Variants in AGBL4 observed in about 807,000 individuals in gnomAD.
AGBL4 encodes cytosolic carboxypeptidase 6.
Under a neutral mutation model 66.4 loss-of-function variants are expected in AGBL4, and 58 were observed. The ratio of observed to expected loss-of-function variants is 0.87; its 90% confidence interval spans 0.71 to 1.09. The LOEUF (loss-of-function observed/expected upper bound fraction) is 1.09. Among genes scored for constraint, AGBL4 ranks in the 50% least tolerant of loss-of-function variants. The pLI, the probability that AGBL4 is intolerant of heterozygous loss-of-function variation, is 0.00. For missense variants in AGBL4, 579 were observed against 631.0 expected (o/e 0.92, Z 0.88); for synonymous variants, 234 against 222.9 (o/e 1.05, Z -0.44).
intron 1 of AGBL4, chr1:50,017,509 T>C (rs1393842088): frequency 6.6e-6 from 1 of 152,120 alleles, no homozygotes; most frequent in African/African-American, 2.4e-5. Flanking sequence ...TCAATTATTA[T>C]ATACATATAT....
chr1:49,942,612 G>C (rs1654864860), intron 1 of AGBL4, among the ~76,000 whole-genome samples: 1 of 152,122 alleles, frequency 6.6e-6, no homozygotes. Context: ...AATAGTGTTG[G>C]AAAGATTGTC....
chr1:49,304,943 T>C (rs981761683), intron 3 of AGBL4, among the ~76,000 whole-genome samples: 1 of 152,196 alleles, frequency 6.6e-6, no homozygotes, highest in African/African-American at 2.4e-5. Flanking sequence ...CTATTTATGC[T>C]ATCTGCTGAA....
intron 2 of AGBL4, among the ~76,000 whole-genome samples, chr1:49,766,187 T>G (rs375518693): frequency 2.6e-5 from 4 of 152,078 alleles, no homozygotes; most frequent in Non-Finnish European, 5.9e-5. Context: ...AAGGCAGCTA[T>G]GCAAAAAGGT....
chr1:48,805,932 C>T (rs1217270523), intron 6 of AGBL4, among the ~76,000 whole-genome samples: 1 of 152,186 alleles, frequency 6.6e-6, no homozygotes, highest in Non-Finnish European at 1.5e-5. Flanking sequence ...TTGCTTAATT[C>T]TATCCAAGCT....
intron 1 of AGBL4, among the ~76,000 whole-genome samples, chr1:49,924,010 C>T (rs1026235324): frequency 3.9e-5 from 6 of 152,158 alleles, no homozygotes; most frequent in Non-Finnish European, 1.5e-5. Flanking sequence ...TATATAGACA[C>T]ATGCGTGTGT....
At chr1:49,529,713 T>G (rs1409984030) in intron 3 of AGBL4, among the ~76,000 whole-genome samples, 1 of 152,042 alleles carries the variant, frequency 6.6e-6, no homozygotes, top group Non-Finnish European at 1.5e-5. Flanking sequence ...TTGTTACTAT[T>G]CAATAACAGT....
intron 12 of AGBL4, among the ~76,000 whole-genome samples, chr1:48,537,898 G>A (rs948182906): frequency 2.0e-5 from 3 of 152,146 alleles, no homozygotes; most frequent in Admixed American, 2.0e-4. Flanking sequence ...TCAGAGGCAG[G>A]GGTCATGCTT....
intron 11 of AGBL4, among the ~76,000 whole-genome samples, chr1:48,579,849 C>T (rs1398550566): frequency 2.9e-5 from 4 of 138,670 alleles, no homozygotes; most frequent in Non-Finnish European, 3.0e-5. Flanking sequence ...ACCTGGGAGG[C>T]GGAGCTTGCA....
At chr1:48,525,292 C>A in the AGBL4 span, among the ~76,000 whole-genome samples, 1 of 152,236 alleles carries the variant, frequency 6.6e-6, no homozygotes, top group East Asian at 1.9e-4. Context: ...GACAGTGGTT[C>A]CCTAGAAGCT....
intron 3 of AGBL4, among the ~76,000 whole-genome samples, chr1:49,437,881 G>T: frequency 6.6e-6 from 1 of 152,130 alleles, no homozygotes; most frequent in East Asian, 1.9e-4. Flanking sequence ...TCTTAAGTCT[G>T]CTGAGTGCTT....
chr1:49,538,760 C>T (rs1303106244), intron 3 of AGBL4, among the ~76,000 whole-genome samples: 1 of 152,018 alleles, frequency 6.6e-6, no homozygotes, highest in Non-Finnish European at 1.5e-5. Flanking sequence ...TGTTTTTCAT[C>T]TAATTGGTAA....
Position 48,634,605 on chromosome 1 carries a change from CT to C in AGBL4, c.840-2del. 6.3e-7 allele frequency: 1 copy of C among 1,588,304 alleles called. No homozygotes were observed. On this transcript the variant is annotated splice_acceptor_variant, in intron 8 of 13. Coordinates refer to ENST00000371839, the MANE Select transcript of AGBL4 (RefSeq NM_032785.4). LOFTEE classifies it high-confidence loss of function. ...CAGATCAAATCCCATCAGAGAACAC[CT>C]AGGCAGTACCCAAAGTAAGAGTCAA...
chr1:49,331,006 G>A (rs1020907886), intron 3 of AGBL4, among the ~76,000 whole-genome samples: 1 of 152,110 alleles, frequency 6.6e-6, no homozygotes, highest in Non-Finnish European at 1.5e-5. Context: ...AGCAGTGAGT[G>A]AATGTGTGAC....
rs1650638528 is a variant in AGBL4 at position 48,745,774 on chromosome 1, G to T, written c.635-82533C>A. 3.9e-5 allele frequency among the ~76,000 whole-genome samples: 6 copies of T among 152,240 alleles called. No individual in the cohort carries two copies. The South Asian group carries it at 1.2e-3, about 32-fold the overall frequency. ...TTGGAGACAGAGCTCCAAATACTGG[G>T]TTTAAGTACTGGGTTTGCCACTTAC... On this transcript the variant is annotated intron_variant, in intron 6 of 13. Transcript: ENST00000371839.
Position 49,335,616 on chromosome 1 carries a change from T to C in AGBL4, c.283-89752A>G, listed in dbSNP as rs189892604. ...CTGCAAGCTCCGCCTCCCAGGTTCA[T>C]GCCATTCTCCTGCCTCAGCTTCCCG... On this transcript the variant is annotated intron_variant, in intron 3 of 13. Transcript: ENST00000371839. Among the ~76,000 whole-genome samples, 128 of 152,018 alleles carry C rather than the reference T, an allele frequency of 8.4e-4. 2 individuals are homozygous for C. The South Asian group carries it at 1.0e-2, about 12-fold the overall frequency.
intron 5 of AGBL4, among the ~76,000 whole-genome samples, chr1:49,030,665 T>C (rs1048435134): frequency 6.6e-6 from 1 of 151,816 alleles, no homozygotes; most frequent in South Asian, 2.1e-4. Context: ...TAATATGAGG[T>C]AGAAGTTTCA....
At chr1:49,880,168 A>G (rs1647174563) in intron 1 of AGBL4, among the ~76,000 whole-genome samples, 1 of 151,822 alleles carries the variant, frequency 6.6e-6, no homozygotes, top group Non-Finnish European at 1.5e-5. Context: ...GCTCGTCAAA[A>G]TCATTCTCCA....
intron 3 of AGBL4, among the ~76,000 whole-genome samples, chr1:49,681,220 C>T (rs1171236394): frequency 6.6e-6 from 1 of 152,188 alleles, no homozygotes; most frequent in Non-Finnish European, 1.5e-5. Context: ...TGTTGGTTAT[C>T]TTTTGTGTTT....
At chr1:49,943,805 T>C (rs1654981297) in intron 1 of AGBL4, among the ~76,000 whole-genome samples, 2 of 151,326 alleles carry the variant, frequency 1.3e-5, no homozygotes, top group African/African-American at 4.9e-5. Flanking sequence ...GGGGAGGGCA[T>C]GAATCTGGTG....
Sources: allele counts gnomAD v4.1 joint callset (sites outside exome capture counted in the v4.1 genomes callset), GRCh38; gene constraint gnomAD v4.1.1; transcripts MANE v1.5; gene names NCBI Gene and HGNC (gene_info 2026-07-23, HGNC 2026-07-21).